ARHGAP15: variants seen among roughly 807,000 people sequenced by gnomAD.
The protein encoded by ARHGAP15 is rho GTPase-activating protein 15.
Under a neutral mutation model 63.7 loss-of-function variants are expected in ARHGAP15, and 51 were observed. The observed-to-expected ratio is 0.80, with a 90% CI of 0.64 to 1.01. The LOEUF is 1.01. Among genes scored for constraint, ARHGAP15 ranks in the 50% least tolerant of loss-of-function variants. The probability of loss-of-function intolerance (pLI) is 0.00; values close to 1 mark genes in which losing one functional copy is unlikely to be tolerated. For synonymous variants in ARHGAP15, 191 were observed against 193.8 expected (o/e 0.99, Z 0.12); for missense variants, 560 against 564.6 (o/e 0.99, Z 0.08).
intron 12 of ARHGAP15, among the ~76,000 whole-genome samples, chr2:143,678,605 T>G (rs181164887): frequency 5.7e-4 from 87 of 152,326 alleles, no homozygotes; most frequent in African/African-American, 2.0e-3. Flanking sequence ...TTCCTCTGCA[T>G]CATAGTTTTT....
At chr2:143,629,080 A>G (rs952970715) in intron 12 of ARHGAP15, among the ~76,000 whole-genome samples, 1 of 152,116 alleles carries the variant, frequency 6.6e-6, no homozygotes, top group Admixed American at 6.6e-5. Context: ...TGACCACTGG[A>G]GCGGTCTGAA....
intron 5 of ARHGAP15, among the ~76,000 whole-genome samples, chr2:143,242,192 G>A (rs1693887164): frequency 1.3e-5 from 2 of 152,166 alleles, no homozygotes; most frequent in South Asian, 2.1e-4. Context: ...GGTGGAAGGA[G>A]CCAAAGGCCC....
chr2:143,382,448 G>T (rs1445276590), intron 6 of ARHGAP15, among the ~76,000 whole-genome samples: 1 of 152,062 alleles, frequency 6.6e-6, no homozygotes, highest in African/African-American at 2.4e-5. Flanking sequence ...TGTTCTCCTT[G>T]TGTGTCTTCA....
At chr2:143,359,048 CAT>C (rs941356044) in intron 6 of ARHGAP15, among the ~76,000 whole-genome samples, 35 of 151,930 alleles carry the variant, frequency 2.3e-4, no homozygotes, top group Non-Finnish European at 3.1e-4. Flanking sequence ...TTGATTTAAA[CAT>C]GTACTATCTA....
At chr2:143,396,477 G>A (rs1030449450) in intron 6 of ARHGAP15, among the ~76,000 whole-genome samples, 1 of 151,952 alleles carries the variant, frequency 6.6e-6, no homozygotes, top group Non-Finnish European at 1.5e-5. Flanking sequence ...CCAGTCAAGT[G>A]GTCCCCAGAG....
chr2:143,604,871 C>A (rs563335916), intron 11 of ARHGAP15, among the ~76,000 whole-genome samples: 14 of 152,114 alleles, frequency 9.2e-5, no homozygotes, highest in South Asian at 2.1e-4. Flanking sequence ...CCGTGCATAG[C>A]ATAATATTTT....
chr2:143,237,676 A>T (rs1336456996), intron 5 of ARHGAP15: 4 of 152,158 alleles, frequency 2.6e-5, no homozygotes, highest in African/African-American at 9.7e-5. Flanking sequence ...ATTGTCACCA[A>T]TTGGGTGGAT....
At chr2:143,656,934 GGTGTGTGTGTGTGTGTGT>G (rs5834961) in intron 12 of ARHGAP15, among the ~76,000 whole-genome samples, 48 of 145,030 alleles carry the variant, frequency 3.3e-4, no homozygotes, top group African/African-American at 8.9e-4. Flanking sequence ...CAAAGTTTCT[GGTGTGTGTGTGTGTGTGT>G]GTGTGTGTGT....
intron 1 of ARHGAP15, among the ~76,000 whole-genome samples, chr2:143,148,712 T>C (rs1689690959): frequency 6.6e-6 from 1 of 152,006 alleles, no homozygotes; most frequent in African/African-American, 2.4e-5. Context: ...TGTTACCCAA[T>C]GGGGTGGCTA....
chr2:143,250,048 A>C (rs1680068888), intron 5 of ARHGAP15, among the ~76,000 whole-genome samples: 1 of 152,114 alleles, frequency 6.6e-6, no homozygotes, highest in Non-Finnish European at 1.5e-5. Context: ...CAACTCTACT[A>C]TAGTCGCAAA....
chr2:143,165,554 G>A (rs571026099), intron 2 of ARHGAP15, among the ~76,000 whole-genome samples: 5 of 152,148 alleles, frequency 3.3e-5, no homozygotes, highest in South Asian at 4.1e-4. Flanking sequence ...AAATCCTAGA[G>A]GCCCACTGCC....
chr2:143,345,512 A>G (rs925704336), intron 6 of ARHGAP15, among the ~76,000 whole-genome samples: 1 of 152,118 alleles, frequency 6.6e-6, no homozygotes, highest in East Asian at 1.9e-4. Context: ...CACACATTAA[A>G]ATGTCATGCT....
chr2:143,324,991 T>C (rs1294375338), intron 6 of ARHGAP15, among the ~76,000 whole-genome samples: 1 of 152,136 alleles, frequency 6.6e-6, no homozygotes, highest in Admixed American at 6.5e-5. Context: ...GCACAATAGG[T>C]CACAAGTCAT....
At chr2:143,550,055 C>G (rs1695488934) in intron 10 of ARHGAP15, among the ~76,000 whole-genome samples, 1 of 152,044 alleles carries the variant, frequency 6.6e-6, no homozygotes. Flanking sequence ...CAATATTGAG[C>G]AAATAATATA....
At chr2:143,551,759 ATAATT>A (rs1653303856) in intron 10 of ARHGAP15, among the ~76,000 whole-genome samples, 1 of 152,222 alleles carries the variant, frequency 6.6e-6, no homozygotes, top group African/African-American at 2.4e-5. Flanking sequence ...GAAATTAACA[ATAATT>A]AAATTAAAAT....
At chr2:143,464,705 G>A (rs1691119508) in intron 8 of ARHGAP15, among the ~76,000 whole-genome samples, 1 of 152,130 alleles carries the variant, frequency 6.6e-6, no homozygotes, top group Non-Finnish European at 1.5e-5. Context: ...AGAAGTTTGT[G>A]TTGGAGGATA....
intron 12 of ARHGAP15, among the ~76,000 whole-genome samples, chr2:143,672,285 G>T (rs1308399081): frequency 6.6e-6 from 1 of 152,066 alleles, no homozygotes; most frequent in Non-Finnish European, 1.5e-5. Context: ...GTAAACTGAG[G>T]TTCTCAGATA....
At chr2:143,734,188 C>G (rs1433640659) in intron 13 of ARHGAP15, among the ~76,000 whole-genome samples, 3 of 152,110 alleles carry the variant, frequency 2.0e-5, no homozygotes, top group African/African-American at 7.2e-5. Context: ...GGGGCAGCAG[C>G]AAAGGGTGAA....
chr2:143,214,725 A>G (rs576347237), intron 3 of ARHGAP15, among the ~76,000 whole-genome samples: 9 of 152,326 alleles, frequency 5.9e-5, no homozygotes, highest in African/African-American at 2.2e-4. Flanking sequence ...CTCTATCATT[A>G]TTTATTTAGT....
Sources: gnomAD v4.1 joint callset for allele counts (sites outside exome capture counted in the v4.1 genomes callset) on GRCh38, gnomAD v4.1.1 for gene constraint, MANE v1.5 for transcripts, NCBI Gene and HGNC (gene_info 2026-07-23, HGNC 2026-07-21) for gene names.